The following FAM131A variants were observed in gnomAD, a reference collection of about 807,000 sequenced individuals.
FAM131A encodes the protein family with sequence similarity 131 member A.
Under a neutral mutation model 39.2 loss-of-function variants are expected in FAM131A, and 24 were observed. That is an observed-to-expected ratio of 0.61 (90% confidence interval 0.44 to 0.86). The LOEUF is 0.86. Ranked by LOEUF, FAM131A falls within the 40% of genes least tolerant of loss-of-function variation. The pLI is 0.00. For missense variants in FAM131A, 373 were observed against 481.2 expected, an observed-to-expected ratio of 0.78 and a Z score of 2.10; for synonymous variants, 202 against 206.8, an observed-to-expected ratio of 0.98 and a Z score of 0.20.
upstream of FAM131A, chr3:184,337,466 A>G (rs1439506182): frequency 6.2e-6 from 4 of 645,902 alleles, no homozygotes; most frequent in Non-Finnish European, 1.1e-5. Flanking sequence ...TGGTGTTCCC[A>G]CCTCCTCAGA....
chr3:184,345,228 T>C lies in FAM131A; in HGVS notation c.*258T>C. On this transcript the variant is annotated 3_prime_UTR_variant, in exon 6 of 6. Transcript: ENST00000383847. The stretch of plus-strand genomic sequence containing the variant: ...GGCCTCTGGGGCATGGCTACAGCTG[T>C]GGCAGACAGTGATGTTCATGTTCTT... The C allele has an allele frequency of 1.7e-6, 1 of 574,586 alleles. No homozygotes were observed. Among genetic ancestry groups the C allele is most frequent in the Non-Finnish European group, 3.1e-6 (1 of 327,310 alleles). The allele number at this position is 574,586 out of a possible 1,614,324, so 35.6% of individuals were successfully genotyped here.
chr3:184,337,608 T>A lies in FAM131A; in HGVS notation c.-23T>A. The A allele has an allele frequency of 6.5e-7, 1 of 1,536,892 alleles. No homozygotes were observed. Among genetic ancestry groups the A allele is most frequent in the Non-Finnish European group, 8.7e-7 (1 of 1,146,678 alleles). ...GCCTGGAGCGGTTCTGGGCTTTTGGTTCTCTGCATCAACACAGCCAGCATG... is the reference window on the plus strand; with the variant it reads ...GCCTGGAGCGGTTCTGGGCTTTTGGATCTCTGCATCAACACAGCCAGCATG... On this transcript the variant is annotated 5_prime_UTR_variant, in exon 1 of 6. Coordinates refer to ENST00000383847, the MANE Select transcript of FAM131A (RefSeq NM_144635.5).
chr3:184,346,214 T>G lies in FAM131A; in HGVS notation c.*1244T>G, dbSNP rs1560247019. 4.1e-6 allele frequency: 1 copy of G among 242,838 alleles called. No homozygotes were observed. The highest frequency in any genetic ancestry group is 8.2e-6 in the Non-Finnish European group (1 of 122,164). 15.0% of individuals were successfully genotyped at this position (242,838 alleles called of 1,614,324 possible). On this transcript the variant is annotated 3_prime_UTR_variant, in exon 6 of 6. Coordinates refer to ENST00000383847, the MANE Select transcript of FAM131A (RefSeq NM_144635.5). The surrounding 1 kb of genome is among the most constrained non-coding windows in gnomAD (Gnocchi z 6.0). ...ATATATAAGTGGCTCATTAGGTGTT[T>G]ATTTTGTTCTATTTAAGAATTTGTT...
chr3:184,344,394 C>T (rs1727522615), intron 5 of FAM131A, 101 bp from the exon 6 acceptor site: 1 of 1,166,892 alleles, frequency 8.6e-7, no homozygotes, highest in African/African-American at 1.5e-5. Flanking sequence ...CCTATCCACC[C>T]CTAGAGCTAT....
intron 2 of FAM131A, 146 bp downstream of exon 2, chr3:184,338,675 C>T (rs1727230238): frequency 1.9e-6 from 2 of 1,055,446 alleles, no homozygotes; most frequent in Non-Finnish European, 2.7e-6. Context: ...GGAGGCCGCC[C>T]CCGTGCCGGT....
chr3:184,342,674 TCTC>T lies in FAM131A; in HGVS notation c.509-67_509-65del. The T allele has an allele frequency of 7.2e-7, 1 of 1,381,354 alleles. No homozygotes were observed. Among genetic ancestry groups the T allele is most frequent in the Non-Finnish European group, 1.0e-6 (1 of 983,508 alleles). The allele number at this position is 1,381,354 out of a possible 1,614,324, so 85.6% of individuals were successfully genotyped here. ...GTCTTCCCATACCCTGTTTCTCCTC[TCTC>T]CTGTCTTCAAGCTGAGCCCTAGACT... On this transcript the variant is annotated intron_variant, in intron 4 of 5. Transcript: ENST00000383847. The surrounding 1 kb of genome is among the most constrained non-coding windows in gnomAD (Gnocchi z 4.6).
In FAM131A at chr3:184,344,221, G is replaced by A. The variant is rs1727506257; in HGVS notation, c.626-274G>A. Among the ~76,000 whole-genome samples, 3 of 152,274 alleles carry A rather than the reference G, an allele frequency of 2.0e-5. No individual in the cohort carries two copies. In the South Asian group the frequency reaches 6.2e-4, roughly 32 times the overall value. On this transcript the variant is annotated intron_variant, in intron 5 of 5. Transcript: ENST00000383847. ...GCTGGTCTCGAACTCCTGACCTCAG[G>A]TGATCCACCTGCCTCGGCCTCCCAA...
Position 184,342,171 on chromosome 3 carries a change from C to T in FAM131A, c.431C>T (p.Ser144Leu), listed in dbSNP as rs769003578. The change falls in exon 4 of 6, where the codon TCA becomes TTA. Residue 144 changes from serine to leucine, a missense_variant. Physicochemically the swap from Ser to Leu is moderately radical, Grantham distance 145. Around this residue, in one of 2 missense-constraint regions of FAM131A, gnomAD observed 221 missense variants for 347.7 expected, o/e 0.64. Coordinates refer to ENST00000383847, the MANE Select transcript of FAM131A (RefSeq NM_144635.5). The surrounding 1 kb of genome is among the most constrained non-coding windows in gnomAD (Gnocchi z 4.6). ...AAGGGCTGGAGCAAGCCGAGTGACT[C>T]ACCTGCTGCCCTGGAATCAGCCTTT... is the stretch of plus-strand genomic sequence containing the variant. ...EWKGWSKPSD[S>L]PAALESAFSS... 2.5e-6 allele frequency: 4 copies of T among 1,614,264 alleles called. No homozygotes were observed. Among genetic ancestry groups the T allele is most frequent in the East Asian group, 4.5e-5 (2 of 44,894 alleles).
chr3:184,336,116 G>A (rs1034243617), upstream of FAM131A: 1 of 152,336 alleles, frequency 6.6e-6, no homozygotes, highest in African/African-American at 2.4e-5. This position sits in a 1 kb window ranked among gnomAD's most constrained non-coding sequence, Gnocchi z 5.5. Flanking sequence ...GGAGCCCGGC[G>A]GGTCAGGGTA....
At position 184,345,417 on chromosome 3, in the gene FAM131A, T is replaced by C; in HGVS notation, c.*447T>C. 3.0e-6 allele frequency: 2 copies of C among 669,424 alleles called. No homozygotes were observed. The allele number at this position is 669,424 out of a possible 1,614,324, so 41.5% of individuals were successfully genotyped here. A position where few individuals can be genotyped will look rare whatever the true frequency, so the allele number is the denominator to read the frequency against. On this transcript the variant is annotated 3_prime_UTR_variant, in exon 6 of 6. Coordinates refer to ENST00000383847, the MANE Select transcript of FAM131A (RefSeq NM_144635.5). ...TCACTTCCGAGTCCATGTGCAGTGC[T>C]TGATAGAATCACCCCCACCTGGAGG... is the stretch of plus-strand genomic sequence containing the variant.
chr3:184,336,172 C>G (rs1440514633), upstream of FAM131A: 1 of 146,016 alleles, frequency 6.8e-6, no homozygotes, highest in African/African-American at 2.5e-5. The surrounding 1 kb of genome is among the most constrained non-coding windows in gnomAD (Gnocchi z 5.5). Flanking sequence ...CTGCGGCCGC[C>G]GGTGCGCGGG....
At chr3:184,337,448 C>G, upstream of FAM131A, 1 of 609,018 alleles carries the variant, frequency 1.6e-6, no homozygotes, top group Non-Finnish European at 2.9e-6. Context: ...GAGAGCTTGG[C>G]TGAGCCCTGG....
intron 5 of FAM131A, chr3:184,343,121 T>TAAA: frequency 3.4e-5 from 1 of 29,778 alleles, no homozygotes; most frequent in East Asian, 5.6e-4. Context: ...CTTGCAGTCC[T>TAAA]CAAAAAAAAA....
Position 184,344,904 on chromosome 3 carries a change from C to T in FAM131A, c.1035C>T (p.Ala345=). 1 of 1,608,068 alleles carries T rather than the reference C, an allele frequency of 6.2e-7. No homozygotes were observed. The highest frequency in any genetic ancestry group is 8.5e-7 in the Non-Finnish European group (1 of 1,179,558). The change falls in exon 6 of 6, where the codon GCC becomes GCT. Residue 345 remains alanine, a synonymous_variant. Coordinates refer to ENST00000383847, the MANE Select transcript of FAM131A (RefSeq NM_144635.5). ...LTGSWERQRQ[A]SDLASSGVVS... ...GCAGCTGGGAACGGCAGCGGCAAGC[C>T]TCTGACCTGGCCTCTTCTGGGGTGG...
Position 184,342,224 on chromosome 3 carries a change from G to A in FAM131A, c.484G>A (p.Glu162Lys), listed in dbSNP as rs754589250. Residue 162 changes from glutamate (E) to lysine (K), a missense_variant, in exon 4 of 6, where the codon GAA becomes AAA. Glu to Lys is a moderately conservative substitution (Grantham distance 56, BLOSUM62 1). This residue lies in a region of FAM131A where 221 missense variants were observed against 347.7 expected (regional missense o/e 0.64). Transcript: ENST00000383847. The surrounding 1 kb of genome is among the most constrained non-coding windows in gnomAD (Gnocchi z 4.6). The part of the protein sequence containing the change: ...FSSYSDLSEG[E>K]QEARFAAGVA... ...CTCCTATTCAGACCTCAGCGAGGGC[G>A]AACAAGAGGCTCGCTTTGCAGCAGG... is the stretch of plus-strand genomic sequence containing the variant. 6.2e-7 allele frequency: 1 copy of A among 1,608,092 alleles called. No individual in the cohort carries two copies. Among genetic ancestry groups the A allele is most frequent in the South Asian group, 1.1e-5 (1 of 90,842 alleles).
chr3:184,345,165 C>A lies in FAM131A; in HGVS notation c.*195C>A. 1 of 625,210 alleles carries A rather than the reference C, an allele frequency of 1.6e-6. No homozygotes were observed. The highest frequency in any genetic ancestry group is 2.9e-5 in the East Asian group (1 of 34,852). The allele number at this position is 625,210 out of a possible 1,614,324, so 38.7% of individuals were successfully genotyped here. A position where few individuals can be genotyped will look rare whatever the true frequency, so the allele number is the denominator to read the frequency against. ...CAGGGGCTGGGCTGGGGGCGCATGT[C>A]CTGCCCCCACTCCCGGGGCTTGCCG... On this transcript the variant is annotated 3_prime_UTR_variant, in exon 6 of 6. Transcript: ENST00000383847.
At chr3:184,341,680 A>T (rs563236472) in intron 2 of FAM131A, 44 bp from the exon 3 acceptor site, 2 of 1,554,044 alleles carry the variant, frequency 1.3e-6, no homozygotes, top group Non-Finnish European at 1.7e-6. Flanking sequence ...GGGGAAGGTC[A>T]TTGCTGTCAG....
chr3:184,345,959 C>T lies in FAM131A; in HGVS notation c.*989C>T, dbSNP rs1334040359. Reference sequence around the variant, plus strand: ...TTCTTGGGGAGGAAAGAAGGTAGAGCCTTTCTGTCTGAATGAAAGGCCAAG... The same window carrying T: ...TTCTTGGGGAGGAAAGAAGGTAGAGTCTTTCTGTCTGAATGAAAGGCCAAG... On this transcript the variant is annotated 3_prime_UTR_variant, in exon 6 of 6. Transcript: ENST00000383847. The T allele has an allele frequency of 3.7e-6, 1 of 267,224 alleles. No individual in the cohort carries two copies. Among genetic ancestry groups the T allele is most frequent in the Non-Finnish European group, 7.1e-6 (1 of 141,782 alleles). The allele number at this position is 267,224 out of a possible 1,614,324, so 16.6% of individuals were successfully genotyped here.
intron 5 of FAM131A, 122 bp from the exon 6 acceptor site, chr3:184,344,373 G>T: frequency 1.1e-6 from 1 of 916,744 alleles, no homozygotes; most frequent in Non-Finnish European, 1.7e-6. Context: ...CTGGTTCAAG[G>T]TTACCCAGCA....
Sources: gnomAD v4.1 joint callset for allele counts (sites outside exome capture counted in the v4.1 genomes callset) on GRCh38, gnomAD v4.1.1 for gene constraint, gnomAD v4.1.1 regional missense constraint, Gnocchi (gnomAD v3.1) non-coding constraint, MANE v1.5 for transcripts, NCBI Gene and HGNC (gene_info 2026-07-23, HGNC 2026-07-21) for gene names.